The following ABCA13 variants were observed in gnomAD, a reference collection of about 807,000 sequenced individuals.
ABCA13 encodes the protein ATP-binding cassette sub-family A member 13.
In ABCA13, 476 loss-of-function variants were observed where a neutral mutation model predicts 478.7. The observed-to-expected ratio is 0.99, with a 90% confidence interval of 0.92 to 1.07. The LOEUF (loss-of-function observed/expected upper bound fraction) is 1.07, where lower values mean the gene tolerates loss of function less well. Ranked by LOEUF, ABCA13 falls within the 50% of genes least tolerant of loss-of-function variation. ABCA13 has a pLI of 0.00. For missense variants in ABCA13, 6,060 were observed against 5,910.6 expected (o/e 1.03, Z -0.83); for synonymous variants, 2,252 against 2,158.9 (o/e 1.04, Z -1.20).
intron 3 of ABCA13, among the ~76,000 whole-genome samples, chr7:48,204,944 C>G (rs565893324): frequency 6.6e-6 from 1 of 152,258 alleles, no homozygotes; most frequent in African/African-American, 2.4e-5. Flanking sequence ...CCCTCCTGAC[C>G]CAGCCACTTG....
intron 51 of ABCA13, among the ~76,000 whole-genome samples, chr7:48,512,161 ACAG>A: frequency 6.9e-6 from 1 of 145,576 alleles, no homozygotes; most frequent in African/African-American, 2.8e-5. Flanking sequence ...GAGAAACAAG[ACAG>A]ACAGACAAAC....
chr7:48,630,166 T>A (rs1403776555), intron 59 of ABCA13, among the ~76,000 whole-genome samples: 1 of 152,110 alleles, frequency 6.6e-6, no homozygotes, highest in African/African-American at 2.4e-5. Context: ...TATTAATTTT[T>A]AAAAAATTTT....
intron 9 of ABCA13, 80 bp downstream of exon 9, chr7:48,239,485 C>A: frequency 6.9e-7 from 1 of 1,455,066 alleles, no homozygotes. Flanking sequence ...CCTGCCCTGC[C>A]ATGTTTACTG....
Position 48,496,664 on chromosome 7 carries a change from A to G in ABCA13, c.13291+7320A>G, listed in dbSNP as rs577527351. Reference sequence around the variant, plus strand: ...TTGCTTATTTTTTTCAACTGATACGATCTTTATTTCACCTTGATTCTTGAA... The same window carrying G: ...TTGCTTATTTTTTTCAACTGATACGGTCTTTATTTCACCTTGATTCTTGAA... On this transcript the variant is annotated intron_variant, in intron 48 of 61. Coordinates refer to ENST00000435803, the MANE Select transcript of ABCA13 (RefSeq NM_152701.5). 2.6e-5 allele frequency among the ~76,000 whole-genome samples: 4 copies of G among 152,096 alleles called. No individual in the cohort carries two copies. The East Asian group carries it at 7.7e-4, about 29-fold the overall frequency.
chr7:48,320,319 A>G (rs145548560), intron 27 of ABCA13, among the ~76,000 whole-genome samples: 1 of 152,140 alleles, frequency 6.6e-6, no homozygotes, highest in Non-Finnish European at 1.5e-5. Flanking sequence ...GAGGTTTCTG[A>G]TTGGTTAATT....
chr7:48,225,191 T>TCCTTCCTA (rs1788033563), intron 5 of ABCA13, among the ~76,000 whole-genome samples: 1 of 149,312 alleles, frequency 6.7e-6, no homozygotes, highest in Non-Finnish European at 1.5e-5. Flanking sequence ...CTTCCTTCCT[T>TCCTTCCTA]CTTTGCTTCC....
At chr7:48,337,877 A>G (rs1419857277) in intron 28 of ABCA13, among the ~76,000 whole-genome samples, 1 of 152,232 alleles carries the variant, frequency 6.6e-6, no homozygotes, top group East Asian at 1.9e-4. Context: ...ATCAATAATA[A>G]CGAGAGAAGA....
chr7:48,458,967 G>A (rs1370004923), intron 43 of ABCA13, among the ~76,000 whole-genome samples: 2 of 152,198 alleles, frequency 1.3e-5, no homozygotes, highest in African/African-American at 4.8e-5. Context: ...GCATGTCTGT[G>A]TTGGTTTGGG....
At chr7:48,211,774 G>A (rs371402416) in intron 3 of ABCA13, among the ~76,000 whole-genome samples, 10 of 152,148 alleles carry the variant, frequency 6.6e-5, no homozygotes, top group East Asian at 5.8e-4. Context: ...GCAAAGGCCT[G>A]GAATCAGGGG....
chr7:48,353,220 G>A lies in ABCA13; in HGVS notation c.10688+733G>A, dbSNP rs147902210. On this transcript the variant is annotated intron_variant, in intron 31 of 61. Transcript: ENST00000435803. ...AAAGCTCACCAAAGCGGGGTGAGCCGTATTGCTGTGGGCTGTGGGGCTCAG... is the reference window on the plus strand; with the variant it reads ...AAAGCTCACCAAAGCGGGGTGAGCCATATTGCTGTGGGCTGTGGGGCTCAG... Among the ~76,000 whole-genome samples, 60 of 151,878 alleles carry A rather than the reference G, an allele frequency of 4.0e-4. 1 individual carries two copies. Among genetic ancestry groups the A allele is most frequent in the African/African-American group, 1.3e-3 (52 of 41,254 alleles).
At chr7:48,609,184 A>G (rs1791773920) in intron 58 of ABCA13, among the ~76,000 whole-genome samples, 1 of 152,172 alleles carries the variant, frequency 6.6e-6, no homozygotes, top group South Asian at 2.1e-4. Context: ...CTAAGATTGG[A>G]TAAACTGGTG....
intron 1 of ABCA13, among the ~76,000 whole-genome samples, chr7:48,179,693 T>A (rs1562711383): frequency 2.0e-5 from 3 of 152,122 alleles, no homozygotes; most frequent in Admixed American, 1.3e-4. Context: ...CAGAATGATG[T>A]CAGAATGATG....
intron 55 of ABCA13, 50 bp downstream of exon 55, chr7:48,528,395 A>G (rs752254941): frequency 7.8e-7 from 1 of 1,278,372 alleles, no homozygotes; most frequent in South Asian, 1.8e-5. Flanking sequence ...TAATAAGCCC[A>G]GAGAACCCCC....
At chr7:48,601,148 TTTA>T (rs1018653820) in intron 58 of ABCA13, among the ~76,000 whole-genome samples, 3 of 150,736 alleles carry the variant, frequency 2.0e-5, no homozygotes, top group African/African-American at 7.5e-5. Context: ...CTTTAACTGA[TTTA>T]TTTTTTTTAT....
intron 55 of ABCA13, among the ~76,000 whole-genome samples, chr7:48,550,287 C>T (rs1477666436): frequency 1.5e-5 from 2 of 136,292 alleles, no homozygotes; most frequent in Admixed American, 8.0e-5. Context: ...AATGGAGTCT[C>T]GCTCTGTTGC....
chr7:48,498,566 G>A (rs1459255685), intron 48 of ABCA13, among the ~76,000 whole-genome samples: 1 of 152,002 alleles, frequency 6.6e-6, no homozygotes, highest in Non-Finnish European at 1.5e-5. Flanking sequence ...CCATCTAGGA[G>A]GACTATCTCT....
At chr7:48,357,038 G>C (rs1020702631) in intron 31 of ABCA13, among the ~76,000 whole-genome samples, 7 of 151,860 alleles carry the variant, frequency 4.6e-5, no homozygotes, top group Admixed American at 4.6e-4. Flanking sequence ...AAGAGAAGGA[G>C]AAATGGAGCG....
rs547596486 is a variant in ABCA13, at chr7:48,468,336, C to A, written c.12905+1291C>A. 3.9e-5 allele frequency among the ~76,000 whole-genome samples: 6 copies of A among 152,350 alleles called. 1 individual carries two copies. Among genetic ancestry groups the A allele is most frequent in the African/African-American group, 1.2e-4 (5 of 41,586 alleles). The stretch of plus-strand genomic sequence containing the variant: ...CTGCCCTCCAGCCCAGCCTGCAGAT[C>A]AGCCTCATAGCTTTTCTCCTCTGTC... On this transcript the variant is annotated intron_variant, in intron 44 of 61. Coordinates refer to ENST00000435803, the MANE Select transcript of ABCA13 (RefSeq NM_152701.5).
At chr7:48,599,410 A>G (rs1000504382) in intron 58 of ABCA13, among the ~76,000 whole-genome samples, 4 of 151,748 alleles carry the variant, frequency 2.6e-5, no homozygotes, top group African/African-American at 4.8e-5. Flanking sequence ...ATTGTTTTTT[A>G]TCTATTATTT....
Sources: gnomAD v4.1 joint callset for allele counts (sites outside exome capture counted in the v4.1 genomes callset) on GRCh38, gnomAD v4.1.1 for gene constraint, MANE v1.5 for transcripts, NCBI Gene and HGNC (gene_info 2026-07-23, HGNC 2026-07-21) for gene names.